Variants in XIRP2 observed in about 807,000 individuals in gnomAD.
XIRP2 encodes the protein xin actin binding repeat containing 2.
In XIRP2, 236 loss-of-function variants were observed where a neutral mutation model predicts 277.0. That is an observed-to-expected ratio of 0.85 (90% CI 0.77 to 0.95). XIRP2 has a LOEUF of 0.95. Ranked by LOEUF, XIRP2 falls within the 40% of genes least tolerant of loss-of-function variation. The pLI is 0.00. For synonymous variants in XIRP2, 1,490 were observed against 1,416.5 expected (o/e 1.05, Z -1.17); for missense variants, 4,640 against 4,157.5 (o/e 1.12, Z -3.19).
intron 3 of XIRP2, among the ~76,000 whole-genome samples, chr2:167,174,435 G>T (rs1692779998): frequency 6.6e-6 from 1 of 152,120 alleles, no homozygotes; most frequent in African/African-American, 2.4e-5. Flanking sequence ...ATGGTAGCTT[G>T]TATTGCTGTG....
At chr2:167,014,720 T>C (rs1687774078) in intron 2 of XIRP2, among the ~76,000 whole-genome samples, 2 of 151,832 alleles carry the variant, frequency 1.3e-5, no homozygotes, top group South Asian at 4.1e-4. Context: ...GCAGAATGAA[T>C]GATGTAGCAG....
intron 5 of XIRP2, among the ~76,000 whole-genome samples, chr2:167,227,727 A>G (rs557998318): frequency 6.6e-6 from 1 of 152,238 alleles, no homozygotes; most frequent in East Asian, 1.9e-4. Flanking sequence ...TTCTAATAAA[A>G]TAAATGATAG....
rs13339896 is a variant in XIRP2, at chr2:167,119,324, A to G, written c.409-16585A>G. On this transcript the variant is annotated intron_variant, in intron 2 of 10. Transcript: ENST00000409195. ...TAGAAGAATTATAAAAGTATTTGAA[A>G]TATAATTTTTTAAAGGATACAGTAT... Among the ~76,000 whole-genome samples, 321 of 152,336 alleles carry G rather than the reference A, an allele frequency of 2.1e-3. 3 individuals carry two copies. The highest frequency in any genetic ancestry group is 7.6e-3 in the African/African-American group (317 of 41,580).
At chr2:167,194,317 G>A (rs1026023223) in intron 3 of XIRP2, among the ~76,000 whole-genome samples, 16 of 152,058 alleles carry the variant, frequency 1.1e-4, no homozygotes, top group Non-Finnish European at 2.1e-4. Flanking sequence ...CTCACCTCAG[G>A]TTATCCACCT....
At chr2:167,002,082 T>A (rs148618371) in intron 2 of XIRP2, among the ~76,000 whole-genome samples, 1 of 152,104 alleles carries the variant, frequency 6.6e-6, no homozygotes, top group East Asian at 1.9e-4. Context: ...TAGAGAGCTA[T>A]ACAAATAATT....
chr2:167,120,583 T>A (rs926013959), intron 2 of XIRP2, among the ~76,000 whole-genome samples: 24 of 152,252 alleles, frequency 1.6e-4, no homozygotes, highest in African/African-American at 4.3e-4. Context: ...AGGGAGTATA[T>A]GCTATATCCA....
intron 2 of XIRP2, among the ~76,000 whole-genome samples, chr2:167,086,423 G>C (rs1310094966): frequency 6.6e-6 from 1 of 152,006 alleles, no homozygotes; most frequent in East Asian, 1.9e-4. Context: ...TATGTGTCTT[G>C]GAGTTGCTCT....
rs997682955 is a variant in XIRP2 at position 167,246,371 on chromosome 2, A to C, written c.4979A>C (p.Gln1660Pro). 3.7e-6 allele frequency: 6 copies of C among 1,613,302 alleles called. No individual in the cohort carries two copies. In the African/African-American group the frequency reaches 5.3e-5, roughly 14 times the overall value. The change falls in exon 9 of 11, where the codon CAA (glutamine) becomes CCA (proline). Residue 1660 changes from glutamine to proline, a missense_variant. Gln to Pro is a moderately conservative substitution (Grantham distance 76). Coordinates refer to ENST00000409195, the MANE Select transcript of XIRP2 (RefSeq NM_152381.6). Reference protein sequence around the residue: ...EKEEIVKGDVQQAIKNLFSEE... With the variant: ...EKEEIVKGDVPQAIKNLFSEE... ...GAAGAGATAGTGAAAGGTGATGTAC[A>C]ACAAGCAATAAAAAACCTGTTCTCT...
At chr2:167,002,769 A>G (rs982786244) in intron 2 of XIRP2, among the ~76,000 whole-genome samples, 1 of 151,998 alleles carries the variant, frequency 6.6e-6, no homozygotes, top group Non-Finnish European at 1.5e-5. Flanking sequence ...TTCAATGAAT[A>G]TTTGTTGAAT....
intron 2 of XIRP2, among the ~76,000 whole-genome samples, chr2:167,134,568 G>T (rs374714072): frequency 1.3e-5 from 2 of 152,084 alleles, no homozygotes; most frequent in African/African-American, 4.8e-5. Context: ...GCTGCTTAGA[G>T]AAATACAATA....
At chr2:167,043,935 T>A (rs1225168621) in intron 2 of XIRP2, among the ~76,000 whole-genome samples, 2 of 151,686 alleles carry the variant, frequency 1.3e-5, no homozygotes, top group African/African-American at 4.8e-5. Context: ...GATGCTATCA[T>A]CATTCTGATA....
Position 167,258,262 on chromosome 2 carries a change from C to T in XIRP2, c.*445C>T. 6.2e-7 allele frequency: 1 copy of T among 1,613,264 alleles called. No homozygotes were observed. The highest frequency in any genetic ancestry group is 8.5e-7 in the Non-Finnish European group (1 of 1,179,638). On this transcript the variant is annotated 3_prime_UTR_variant, in exon 11 of 11. Coordinates refer to ENST00000409195, the MANE Select transcript of XIRP2 (RefSeq NM_152381.6). ...CACCTGAAATGACAACCCTGCTATC[C>T]CCTGAATTTAAAAGTGAATCTCTGC... is the stretch of plus-strand genomic sequence containing the variant.
intron 2 of XIRP2, among the ~76,000 whole-genome samples, chr2:167,120,519 A>C (rs915871247): frequency 6.6e-6 from 1 of 152,192 alleles, no homozygotes; most frequent in Non-Finnish European, 1.5e-5. Context: ...AATGATCACT[A>C]TGGTATGTCT....
At chr2:167,219,346 T>A (rs1380704898) in intron 5 of XIRP2, among the ~76,000 whole-genome samples, 1 of 152,226 alleles carries the variant, frequency 6.6e-6, no homozygotes, top group East Asian at 1.9e-4. Flanking sequence ...ACTGTTGCAA[T>A]GTAGGAGTCT....
chr2:167,188,014 T>C (rs1693207562), intron 3 of XIRP2, among the ~76,000 whole-genome samples: 1 of 152,202 alleles, frequency 6.6e-6, no homozygotes, highest in South Asian at 2.1e-4. Context: ...TTTGCTTTTG[T>C]AGTTCTTGCT....
At chr2:167,111,388 T>A (rs1205898671) in intron 2 of XIRP2, among the ~76,000 whole-genome samples, 3 of 152,202 alleles carry the variant, frequency 2.0e-5, no homozygotes, top group Non-Finnish European at 4.4e-5. Flanking sequence ...CATGAAGGGA[T>A]GTTGAATTTT....
In XIRP2 at chr2:167,248,004, A is replaced by C. The variant is rs748473678; in HGVS notation, c.6612A>C (p.Ile2204=). The change falls in exon 9 of 11, where the codon ATA becomes ATC. Residue 2204 remains isoleucine, a synonymous_variant. Transcript: ENST00000409195. ...YSNKDIKKKN[I]NLQPMWQLLP... ...ATAAGGATATAAAGAAAAAGAATAT[A>C]AACCTTCAACCAATGTGGCAGCTTT... 3 of 1,613,122 alleles carry C rather than the reference A, an allele frequency of 1.9e-6. No homozygotes were observed. Among genetic ancestry groups the C allele is most frequent in the Non-Finnish European group, 2.5e-6 (3 of 1,179,572 alleles).
At chr2:167,158,595 A>G (rs1692272094) in intron 3 of XIRP2, among the ~76,000 whole-genome samples, 1 of 152,216 alleles carries the variant, frequency 6.6e-6, no homozygotes. Context: ...CTTTCACAGT[A>G]TATAAAGCAT....
chr2:167,057,796 G>T (rs1446388103), intron 2 of XIRP2, among the ~76,000 whole-genome samples: 1 of 152,026 alleles, frequency 6.6e-6, no homozygotes, highest in African/African-American at 2.4e-5. Flanking sequence ...AAACATATTA[G>T]AAATACAGGA....
Sources: allele counts gnomAD v4.1 joint callset (sites outside exome capture counted in the v4.1 genomes callset), GRCh38; gene constraint gnomAD v4.1.1; transcripts MANE v1.5; gene names NCBI Gene and HGNC (gene_info 2026-07-23, HGNC 2026-07-21).